The following ZMAT4 variants were observed in gnomAD, a reference collection of about 807,000 sequenced individuals.
ZMAT4 encodes the protein zinc finger matrin-type protein 4.
ZMAT4 carries 17 observed loss-of-function variants against 28.7 expected under a neutral mutation model. That is an observed-to-expected ratio of 0.59 (90% CI 0.41 to 0.89). The LOEUF is 0.89. ZMAT4 is among the 40% of genes least tolerant of loss of function. ZMAT4 has a pLI of 0.00. For synonymous variants in ZMAT4, 117 were observed against 109.2 expected (o/e 1.07, Z -0.44); for missense variants, 240 against 283.8 (o/e 0.85, Z 1.11).
At chr8:40,635,616 T>G (rs1447670459) in intron 5 of ZMAT4, among the ~76,000 whole-genome samples, 1 of 152,206 alleles carries the variant, frequency 6.6e-6, no homozygotes, top group Non-Finnish European at 1.5e-5. Context: ...TATTTCTCAG[T>G]GAGGGCGTGG....
At chr8:40,787,302 G>C (rs989910106) in intron 2 of ZMAT4, among the ~76,000 whole-genome samples, 1 of 152,180 alleles carries the variant, frequency 6.6e-6, no homozygotes, top group Non-Finnish European at 1.5e-5. Flanking sequence ...ACTACAGATA[G>C]TGCCAATCCC....
At chr8:40,659,153 C>T (rs780743515) in intron 5 of ZMAT4, among the ~76,000 whole-genome samples, 15 of 152,120 alleles carry the variant, frequency 9.9e-5, no homozygotes, top group Non-Finnish European at 1.8e-4. Context: ...GCATGTGCTG[C>T]AGATGCCAAG....
intron 4 of ZMAT4, 49 bp from the exon 5 acceptor site, chr8:40,674,980 G>A (rs375816766): frequency 3.5e-6 from 5 of 1,446,232 alleles, no homozygotes; most frequent in Admixed American, 3.4e-5. Context: ...GTCCAACACT[G>A]AGTCCACTCT....
intron 3 of ZMAT4, among the ~76,000 whole-genome samples, chr8:40,762,654 T>C (rs997079161): frequency 6.6e-6 from 1 of 151,780 alleles, no homozygotes; most frequent in African/African-American, 2.4e-5. Flanking sequence ...AGACCCCATC[T>C]CTAAAAATAA....
intron 5 of ZMAT4, among the ~76,000 whole-genome samples, chr8:40,592,045 C>T (rs1804910917): frequency 6.6e-6 from 1 of 151,752 alleles, no homozygotes; most frequent in Non-Finnish European, 1.5e-5. Context: ...TTTAAAACAC[C>T]TAATTTTGAA....
chr8:40,773,854 A>G (rs896842805), intron 2 of ZMAT4, among the ~76,000 whole-genome samples: 9 of 151,652 alleles, frequency 5.9e-5, no homozygotes, highest in Non-Finnish European at 1.2e-4. Context: ...GTAAAATGAG[A>G]AAAAAAAAGA....
At chr8:40,616,539 T>C (rs1417039335) in intron 5 of ZMAT4, among the ~76,000 whole-genome samples, 2 of 152,166 alleles carry the variant, frequency 1.3e-5, no homozygotes, top group African/African-American at 4.8e-5. Context: ...ATATACACCA[T>C]GGAATACTAT....
At chr8:40,751,883 A>G (rs1336825175) in intron 3 of ZMAT4, among the ~76,000 whole-genome samples, 1 of 152,136 alleles carries the variant, frequency 6.6e-6, no homozygotes, top group Non-Finnish European at 1.5e-5. Context: ...GAAAATATGA[A>G]CATCAACCCC....
chr8:40,832,097 T>C (rs28735384), intron 1 of ZMAT4, among the ~76,000 whole-genome samples: 110,521 of 151,982 alleles, frequency 0.73, 40,456 homozygotes, highest in East Asian at 0.84. Flanking sequence ...TCACCCCTAC[T>C]CTGGGCCTCT....
At chr8:40,794,765 T>G (rs1814514598) in intron 2 of ZMAT4, among the ~76,000 whole-genome samples, 1 of 152,038 alleles carries the variant, frequency 6.6e-6, no homozygotes, top group African/African-American at 2.4e-5. Context: ...ATCAGTTTTC[T>G]CCTCTCTGGG....
At chr8:40,599,550 C>T (rs1262948462) in intron 5 of ZMAT4, among the ~76,000 whole-genome samples, 2 of 152,190 alleles carry the variant, frequency 1.3e-5, no homozygotes, top group Non-Finnish European at 2.9e-5. Flanking sequence ...AGTTAAGTTT[C>T]TCCTCCCCTT....
At chr8:40,896,973 C>CT (rs34824153) in intron 1 of ZMAT4, among the ~76,000 whole-genome samples, 18,901 of 139,108 alleles carry the variant, frequency 0.14, 1,447 homozygotes, top group South Asian at 0.24. Context: ...TTGGCTTTTT[C>CT]TTTTTTTTTT....
At chr8:40,746,507 G>C (rs569183040) in intron 3 of ZMAT4, among the ~76,000 whole-genome samples, 21 of 151,748 alleles carry the variant, frequency 1.4e-4, no homozygotes, top group African/African-American at 5.1e-4. Flanking sequence ...AGGACTATAA[G>C]CGCATATCAC....
chr8:40,754,315 A>G (rs1177075619), intron 3 of ZMAT4, among the ~76,000 whole-genome samples: 2 of 152,226 alleles, frequency 1.3e-5, no homozygotes, highest in African/African-American at 4.8e-5. Flanking sequence ...CCATGGCACT[A>G]TCTCCACCAG....
At position 40,601,507 on chromosome 8, in the gene ZMAT4, A is replaced by AGAAAG. The variant is rs1554525415; in HGVS notation, c.578-20247_578-20246insCTTTC. 6.3e-3 allele frequency among the ~76,000 whole-genome samples: 906 copies of AGAAAG among 143,192 alleles called. 23 individuals carry two copies. Among genetic ancestry groups the AGAAAG allele is most frequent in the Non-Finnish European group, 0.011 (718 of 65,178 alleles). The allele number at this position is 143,192 out of a possible 152,430, so 93.9% of individuals were successfully genotyped here. On this transcript the variant is annotated intron_variant, in intron 5 of 6. Transcript: ENST00000297737. ...AAAGAAAGAAAGAGAGAAAGAAAGA[A>AGAAAG]AGAGAAAGAGAAAGAAAGAGGGAGA...
chr8:40,872,771 T>G (rs955368524), intron 1 of ZMAT4, among the ~76,000 whole-genome samples: 2 of 151,916 alleles, frequency 1.3e-5, no homozygotes, highest in African/African-American at 2.4e-5. Flanking sequence ...GGATGGTTGA[T>G]GCCAATTGGG....
chr8:40,782,420 A>C (rs1813876932), intron 2 of ZMAT4, among the ~76,000 whole-genome samples: 1 of 151,372 alleles, frequency 6.6e-6, no homozygotes, highest in South Asian at 2.1e-4. Flanking sequence ...CAAACAAACA[A>C]AAACAAAAAG....
chr8:40,758,464 G>A (rs1437736108), intron 3 of ZMAT4, among the ~76,000 whole-genome samples: 11 of 152,236 alleles, frequency 7.2e-5, no homozygotes, highest in African/African-American at 2.6e-4. Flanking sequence ...CAATTCCTGT[G>A]TTGACGTATT....
intron 3 of ZMAT4, among the ~76,000 whole-genome samples, chr8:40,697,890 A>T (rs1429567121): frequency 1.3e-5 from 2 of 152,250 alleles, no homozygotes; most frequent in African/African-American, 4.8e-5. Flanking sequence ...CACAATTAAG[A>T]GAGGGCACAT....
Sources: allele counts gnomAD v4.1 joint callset (sites outside exome capture counted in the v4.1 genomes callset), GRCh38; gene constraint gnomAD v4.1.1; transcripts MANE v1.5; gene names NCBI Gene and HGNC (gene_info 2026-07-23, HGNC 2026-07-21).